PDZK1IP1: variants seen among roughly 807,000 people sequenced by gnomAD.
The protein encoded by PDZK1IP1 is PDZK1-interacting protein 1.
PDZK1IP1 carries 9 observed loss-of-function variants against 14.7 expected under a neutral mutation model. The observed-to-expected ratio is 0.61, with a 90% CI of 0.37 to 1.07. PDZK1IP1 has a LOEUF of 1.07. PDZK1IP1 is among the 50% of genes least tolerant of loss of function. The pLI is 0.01. For synonymous variants in PDZK1IP1, 70 were observed against 61.2 expected (o/e 1.14, Z -0.67); for missense variants, 152 against 148.7 (o/e 1.02, Z -0.11).
chr1:47,185,289 T>G, intron 2 of PDZK1IP1, 192 bp from the exon 3 acceptor site: 1 of 583,716 alleles, frequency 1.7e-6, no homozygotes. Context: ...CACTCCATAG[T>G]GGGGGGCCAA....
chr1:47,189,906 C>A lies in PDZK1IP1; in HGVS notation c.27G>T (p.Leu9=), dbSNP rs142881543. 2.8e-4 allele frequency: 446 copies of A among 1,596,708 alleles called. No homozygotes were observed. Among genetic ancestry groups the A allele is most frequent in the Non-Finnish European group, 3.5e-4 (416 of 1,178,728 alleles). Residue 9 remains leucine (L), a synonymous_variant, in exon 1 of 4, where the codon CTG becomes CTT. Transcript: ENST00000294338. ...CAGGTGGCACTGCCGTGAGCAGGCC[C>A]AGAATGAGGAGGCTGAGGGCCGACA... MSALSLLI[L]GLLTAVPPAS... is the part of the protein sequence containing the mutation.
In PDZK1IP1 at chr1:47,185,091, AGGCTCCCTGGGGATGGGATTCATCAGTGG is replaced by A; in HGVS notation, c.177-23_182del. 6.2e-7 allele frequency: 1 copy of A among 1,612,994 alleles called. No individual in the cohort carries two copies. Among genetic ancestry groups the A allele is most frequent in the Non-Finnish European group, 8.5e-7 (1 of 1,179,760 alleles). ...TTCCGACGGTCAGGATCATGTGTGC[AGGCTCCCTGGGGATGGGATTCATCAGTGG>A]GGCTCCTCAGTGGGGCCCCCCTCGT... On this transcript the variant is annotated splice_acceptor_variant and splice_polypyrimidine_tract_variant and coding_sequence_variant and intron_variant, in exon 3 of 4. Coordinates refer to ENST00000294338, the MANE Select transcript of PDZK1IP1 (RefSeq NM_005764.4). LOFTEE classifies it high-confidence loss of function.
chr1:47,186,890 G>A (rs1378889245), intron 2 of PDZK1IP1, among the ~76,000 whole-genome samples: 2 of 152,212 alleles, frequency 1.3e-5, no homozygotes, highest in Non-Finnish European at 2.9e-5. Context: ...ACTCCAGTCT[G>A]AGCCTGTGAG....
rs1645300559 is a variant in PDZK1IP1 at position 47,183,995 on chromosome 1, G to T, written c.321C>A (p.Gly107=). ...NAYENVPEEE[G]KVRSTPM ...GTTACATCGGGGTGCTGCGGACCTT[G>T]CCTTCCTCCTCGGGCACATTCTCAT... is the stretch of plus-strand genomic sequence containing the variant. Residue 107 remains glycine (G), a synonymous_variant, in exon 4 of 4, where the codon GGC becomes GGA. Coordinates refer to ENST00000294338, the MANE Select transcript of PDZK1IP1 (RefSeq NM_005764.4). 1.9e-6 allele frequency: 3 copies of T among 1,598,626 alleles called. No individual in the cohort carries two copies. The highest frequency in any genetic ancestry group is 2.6e-6 in the Non-Finnish European group (3 of 1,171,850).
chr1:47,183,783 C>T lies in PDZK1IP1; in HGVS notation c.*188G>A. On this transcript the variant is annotated 3_prime_UTR_variant, in exon 4 of 4. Coordinates refer to ENST00000294338, the MANE Select transcript of PDZK1IP1 (RefSeq NM_005764.4). ...AGACCCCAGGGCCACAGCCGAGCCC[C>T]AACCTAGACACGGTCTGAGCTCCAA... 1.6e-6 allele frequency: 1 copy of T among 619,902 alleles called. No individual in the cohort carries two copies. Among genetic ancestry groups the T allele is most frequent in the Non-Finnish European group, 2.9e-6 (1 of 347,720 alleles). The allele number at this position is 619,902 out of a possible 1,614,324, so 38.4% of individuals were successfully genotyped here.
Position 47,185,087 on chromosome 1 carries a change from G to A in PDZK1IP1, c.187C>T (p.His63Tyr). The A allele has an allele frequency of 6.2e-7, 1 of 1,612,968 alleles. No homozygotes were observed. Among genetic ancestry groups the A allele is most frequent in the Non-Finnish European group, 8.5e-7 (1 of 1,179,678 alleles). The change falls in exon 3 of 4, where the codon CAC (histidine) becomes TAC (tyrosine). Residue 63 changes from histidine to tyrosine, a missense_variant. Coordinates refer to ENST00000294338, the MANE Select transcript of PDZK1IP1 (RefSeq NM_005764.4). ...TTGTTTCCGACGGTCAGGATCATGT[G>A]TGCAGGCTCCCTGGGGATGGGATTC... is the stretch of plus-strand genomic sequence containing the variant. ...FWCQEEPEPA[H>Y]MILTVGNKAD...
chr1:47,185,895 A>T (rs1569852954), intron 2 of PDZK1IP1, among the ~76,000 whole-genome samples: 1 of 149,874 alleles, frequency 6.7e-6, no homozygotes, highest in East Asian at 2.0e-4. Context: ...CCTCATGCCC[A>T]CCCCCTCACC....
chr1:47,184,021 A>G lies in PDZK1IP1; in HGVS notation c.295T>C (p.Tyr99His), dbSNP rs766297053. 19 of 1,594,998 alleles carry G rather than the reference A, an allele frequency of 1.2e-5. No individual in the cohort carries two copies. Among genetic ancestry groups the G allele is most frequent in the Non-Finnish European group, 1.5e-5 (18 of 1,169,646 alleles). ...SFRSSEHENA[Y>H]ENVPEEEGKV... ...CCTTCCTCCTCGGGCACATTCTCAT[A>G]GGCATTCTCATGCTCACTGGACCTG... Residue 99 changes from tyrosine to histidine, a missense_variant, in exon 4 of 4, where the codon TAT becomes CAT. Physicochemically the swap from Tyr to His is moderately conservative, Grantham distance 83 (BLOSUM62 2). Transcript: ENST00000294338.
intron 1 of PDZK1IP1, among the ~76,000 whole-genome samples, chr1:47,189,018 G>A (rs985026666): frequency 1.3e-5 from 2 of 152,142 alleles, no homozygotes; most frequent in African/African-American, 4.8e-5. Flanking sequence ...TCTGGGGCAG[G>A]AGAAAGGTGG....
At chr1:47,184,874 A>T (rs765743948) in intron 3 of PDZK1IP1, 128 bp downstream of exon 3, 2 of 719,548 alleles carry the variant, frequency 2.8e-6, no homozygotes, top group South Asian at 3.3e-5. Flanking sequence ...CAAAGCCCCC[A>T]TTGCCTCACT....
In PDZK1IP1 at chr1:47,189,869, G is replaced by T. The variant is rs1424169599; in HGVS notation, c.64C>A (p.Gln22Lys). The change falls in exon 1 of 4, where the codon CAA (glutamine) becomes AAA (lysine). Residue 22 changes from glutamine (Q) to lysine (K), a missense_variant. Transcript: ENST00000294338. ...CAGCCCTCTCCTCCTGAGCTACCTT[G>T]CTGACAGCTGGCAGGTGGCACTGCC... is the stretch of plus-strand genomic sequence containing the variant. ...LTAVPPASCQ[Q>K]GLGNLQPWMQ... 2 of 1,594,788 alleles carry T rather than the reference G, an allele frequency of 1.3e-6. No homozygotes were observed. The highest frequency in any genetic ancestry group is 3.4e-5 in the Admixed American group (2 of 59,332).
At position 47,188,094 on chromosome 1, in the gene PDZK1IP1, C is replaced by T. The variant is rs188267695; in HGVS notation, c.68-667G>A. The stretch of plus-strand genomic sequence containing the variant: ...GAAAGAAGCCTCAAAACCTGAGCTC[C>T]TTTTGATTCCCCCAGCTGGGTGCCC... On this transcript the variant is annotated intron_variant, in intron 1 of 3. Transcript: ENST00000294338. Among the ~76,000 whole-genome samples the T allele has an allele frequency of 2.3e-3, 354 of 152,302 alleles. 1 individual carries two copies. Among genetic ancestry groups the T allele is most frequent in the African/African-American group, 7.9e-3 (330 of 41,556 alleles).
Position 47,187,818 on chromosome 1 carries a change from G to A in PDZK1IP1, c.68-391C>T, listed in dbSNP as rs539950794. The stretch of plus-strand genomic sequence containing the variant: ...CCCCTGGACAGCCGGCCTAGGCCTT[G>A]CAGCTGGGAGTGGCTCCCAGAAGGC... On this transcript the variant is annotated intron_variant, in intron 1 of 3. Transcript: ENST00000294338. 1.3e-4 allele frequency among the ~76,000 whole-genome samples: 20 copies of A among 152,330 alleles called. No individual in the cohort carries two copies. In the South Asian group the frequency reaches 3.1e-3, roughly 24 times the overall value.
rs35912227 is a variant in PDZK1IP1 at position 47,185,072 on chromosome 1, C to A, written c.202G>T (p.Val68Phe). 1 of 1,613,128 alleles carries A rather than the reference C, an allele frequency of 6.2e-7. No individual in the cohort carries two copies. Among genetic ancestry groups the A allele is most frequent in the Non-Finnish European group, 8.5e-7 (1 of 1,179,886 alleles). Residue 68 changes from valine (V) to phenylalanine (F), a missense_variant, in exon 3 of 4, where the codon GTC becomes TTC. Transcript: ENST00000294338. ...EPEPAHMILT[V>F]GNKADGVLVG... ...AGGACTCCATCTGCCTTGTTTCCGA[C>A]GGTCAGGATCATGTGTGCAGGCTCC...
Position 47,185,099 on chromosome 1 carries a change from T to TG in PDZK1IP1, c.177-3dup, listed in dbSNP as rs1645311045. On this transcript the variant is annotated splice_region_variant and splice_polypyrimidine_tract_variant and intron_variant, in intron 2 of 3. Coordinates refer to ENST00000294338, the MANE Select transcript of PDZK1IP1 (RefSeq NM_005764.4). ...GTCAGGATCATGTGTGCAGGCTCCC[T>TG]GGGGATGGGATTCATCAGTGGGGCT... is the stretch of plus-strand genomic sequence containing the variant. 6.2e-7 allele frequency: 1 copy of TG among 1,611,998 alleles called. No individual in the cohort carries two copies. Among genetic ancestry groups the TG allele is most frequent in the Non-Finnish European group, 8.5e-7 (1 of 1,179,044 alleles).
chr1:47,185,129 A>T (rs1292713959), intron 2 of PDZK1IP1, 32 bp from the exon 3 acceptor site: 4 of 1,570,678 alleles, frequency 2.5e-6, no homozygotes, highest in South Asian at 1.1e-5. Context: ...GGGGCTCCTC[A>T]GTGGGGCCCC....
In PDZK1IP1 at chr1:47,188,398, T is replaced by G. The variant is rs1021101689; in HGVS notation, c.68-971A>C. Among the ~76,000 whole-genome samples the G allele has an allele frequency of 5.9e-5, 9 of 152,176 alleles. No individual in the cohort carries two copies. In the South Asian group the frequency reaches 1.0e-3, roughly 18 times the overall value. ...AGGCCTCTGCTTCCCCAAAGGACTT[T>G]CCTCTTCCCCAGCATCACTGCACTC... On this transcript the variant is annotated intron_variant, in intron 1 of 3. Coordinates refer to ENST00000294338, the MANE Select transcript of PDZK1IP1 (RefSeq NM_005764.4).
intron 3 of PDZK1IP1, among the ~76,000 whole-genome samples, chr1:47,184,554 C>A (rs1367035115): frequency 2.3e-5 from 3 of 128,586 alleles, no homozygotes; most frequent in South Asian, 2.8e-4. Flanking sequence ...GAGCTCCATC[C>A]CCCACTGAGT....
chr1:47,188,553 A>G (rs1156686234), intron 1 of PDZK1IP1, among the ~76,000 whole-genome samples: 1 of 152,156 alleles, frequency 6.6e-6, no homozygotes, highest in Admixed American at 6.5e-5. Context: ...CTGCATCCCT[A>G]TATTTTGAGG....
Sources: allele counts gnomAD v4.1 joint callset (sites outside exome capture counted in the v4.1 genomes callset), GRCh38; gene constraint gnomAD v4.1.1; transcripts MANE v1.5; gene names NCBI Gene and HGNC (gene_info 2026-07-23, HGNC 2026-07-21).